Variants in FANCB observed in about 807,000 individuals in gnomAD.
FANCB encodes FA complementation group B.
FANCB carries 5 observed loss-of-function variants against 38.9 expected under a neutral mutation model. The ratio of observed to expected loss-of-function variants is 0.13; its 90% confidence interval spans 0.07 to 0.27. The LOEUF is 0.27. Ranked by LOEUF, FANCB falls within the 10% of genes least tolerant of loss-of-function variation. The probability of loss-of-function intolerance (pLI) is 1.00; values close to 1 mark genes in which losing one functional copy is unlikely to be tolerated. For missense variants in FANCB, 573 were observed against 602.7 expected (o/e 0.95, Z 0.52); for synonymous variants, 236 against 215.4 (o/e 1.10, Z -0.84).
the FANCB span, among the ~76,000 whole-genome samples, chrX:14,757,934 C>A: frequency 6.3e-5 from 7 of 111,742 alleles, no homozygotes; most frequent in Admixed American, 2.8e-4. Flanking sequence ...TACTTGCTTT[C>A]TCAGCTGGGA....
At chrX:14,786,943 CAG>C in the FANCB span, among the ~76,000 whole-genome samples, 8 of 111,530 alleles carry the variant, frequency 7.2e-5, no homozygotes, top group African/African-American at 2.6e-4. Flanking sequence ...AGTGAAATGT[CAG>C]AATGCAAAAA....
chrX:14,785,502 C>G, the FANCB span, among the ~76,000 whole-genome samples: 6 of 112,123 alleles, frequency 5.4e-5, no homozygotes, highest in Non-Finnish European at 1.1e-4. Flanking sequence ...AGCATACTCT[C>G]CTTGCATTCT....
the FANCB span, chrX:14,730,211 A>G: frequency 8.3e-7 from 1 of 1,198,478 alleles, no homozygotes; most frequent in Non-Finnish European, 1.1e-6. Flanking sequence ...CGTCAGGAAG[A>G]AGACGTTACT....
chrX:14,774,070 A>G, the FANCB span, among the ~76,000 whole-genome samples: 265 of 112,428 alleles, frequency 2.4e-3, no homozygotes, highest in Non-Finnish European at 3.3e-3. Flanking sequence ...TACTACTTAA[A>G]TGTCAAAAAA....
chrX:14,716,768 A>G, the FANCB span, among the ~76,000 whole-genome samples: 1 of 111,717 alleles, frequency 9.0e-6, no homozygotes, highest in Non-Finnish European at 1.9e-5. Context: ...ATCCTTTAAT[A>G]TGAATGGGAA....
the FANCB span, among the ~76,000 whole-genome samples, chrX:14,812,650 C>T: frequency 1.8e-5 from 2 of 108,111 alleles, no homozygotes; most frequent in East Asian, 5.7e-4. Flanking sequence ...CAATAACAGG[C>T]TCTGAAATTG....
At chrX:14,751,926 A>G in the FANCB span, among the ~76,000 whole-genome samples, 2 of 112,128 alleles carry the variant, frequency 1.8e-5, no homozygotes, top group Non-Finnish European at 3.8e-5. Flanking sequence ...AAGTTTTAGC[A>G]CTGCTGAAAA....
the FANCB span, among the ~76,000 whole-genome samples, chrX:14,796,661 TACAC>T: frequency 6.2e-4 from 54 of 87,553 alleles, no homozygotes; most frequent in East Asian, 1.8e-3. Context: ...AGTGCATATA[TACAC>T]ACACACACAC....
At chrX:14,752,841 C>T in the FANCB span, among the ~76,000 whole-genome samples, 1 of 110,745 alleles carries the variant, frequency 9.0e-6, no homozygotes, top group East Asian at 2.8e-4. Flanking sequence ...TTAAAAAATA[C>T]AAGAATAGTA....
the FANCB span, among the ~76,000 whole-genome samples, chrX:14,775,180 T>TTTG: frequency 1.0e-5 from 1 of 98,962 alleles, no homozygotes; most frequent in Non-Finnish European, 2.1e-5. Flanking sequence ...TTTTTTTTTT[T>TTTG]TTTTTTTTAC....
chrX:14,805,655 C>A, the FANCB span, among the ~76,000 whole-genome samples: 39 of 112,242 alleles, frequency 3.5e-4, no homozygotes, highest in Admixed American at 7.5e-4. Flanking sequence ...TCCTTCTGGA[C>A]TAAAAGTCTT....
the FANCB span, among the ~76,000 whole-genome samples, chrX:14,724,696 T>A: frequency 3.8e-5 from 4 of 105,394 alleles, no homozygotes; most frequent in East Asian, 1.2e-3. Context: ...ATCCTGGAAG[T>A]TTCTTCTTTA....
the FANCB span, among the ~76,000 whole-genome samples, chrX:14,808,732 A>C: frequency 6.5e-4 from 73 of 112,434 alleles, no homozygotes; most frequent in Middle Eastern, 4.6e-3. Flanking sequence ...GACAAGATAA[A>C]GAAACAAAGG....
the FANCB span, among the ~76,000 whole-genome samples, chrX:14,800,073 G>A: frequency 8.9e-6 from 1 of 112,014 alleles, no homozygotes; most frequent in African/African-American, 3.2e-5. Context: ...AGCAAAATGT[G>A]AGAGAGTATG....
the FANCB span, among the ~76,000 whole-genome samples, chrX:14,793,019 T>C: frequency 8.9e-6 from 1 of 112,316 alleles, no homozygotes; most frequent in African/African-American, 3.2e-5. Context: ...ACAAGTTTCA[T>C]TGGTGTTTTA....
downstream of FANCB, among the ~76,000 whole-genome samples, chrX:14,834,009 A>T (rs769643987): frequency 9.3e-6 from 1 of 107,959 alleles, no homozygotes; most frequent in Non-Finnish European, 1.9e-5. Context: ...AAAAACAAAA[A>T]CGACAACAAA....
At chrX:14,744,927 C>T in the FANCB span, among the ~76,000 whole-genome samples, 1 of 110,961 alleles carries the variant, frequency 9.0e-6, no homozygotes, top group Admixed American at 9.6e-5. Context: ...TGTATGTCAG[C>T]ATGGTTCACT....
the FANCB span, among the ~76,000 whole-genome samples, chrX:14,779,546 A>G: frequency 4.5e-5 from 5 of 111,899 alleles, no homozygotes; most frequent in Non-Finnish European, 5.6e-5. Context: ...ACCTTCCCCC[A>G]TGCCCACCAT....
chrX:14,792,021 C>T, the FANCB span, among the ~76,000 whole-genome samples: 2 of 111,793 alleles, frequency 1.8e-5, no homozygotes. Context: ...TGGATGACAA[C>T]TGTGTCATAC....
Sources: allele counts gnomAD v4.1 joint callset (sites outside exome capture counted in the v4.1 genomes callset), GRCh38; gene constraint gnomAD v4.1.1; transcripts MANE v1.5; gene names NCBI Gene and HGNC (gene_info 2026-07-23, HGNC 2026-07-21).